PDCD6: variants seen among roughly 807,000 people sequenced by gnomAD.
PDCD6 encodes programmed cell death protein 6.
In PDCD6, 12 loss-of-function variants were observed where a neutral mutation model predicts 28.3. The ratio of observed to expected loss-of-function variants is 0.42; its 90% CI spans 0.27 to 0.69. PDCD6 has a LOEUF of 0.69. PDCD6 is among the 30% of genes least tolerant of loss of function. PDCD6 has a pLI of 0.22. For synonymous variants in PDCD6, 92 were observed against 108.0 expected (o/e 0.85, Z 0.92); for missense variants, 226 against 269.9 (o/e 0.84, Z 1.14).
At chr5:297,862 C>T (rs1054570159) in intron 2 of PDCD6, among the ~76,000 whole-genome samples, 22 of 152,296 alleles carry the variant, frequency 1.4e-4, no homozygotes, top group African/African-American at 5.3e-4. Flanking sequence ...TAGAATATGA[C>T]CTTTTGTCAC....
chr5:306,831 C>G, intron 4 of PDCD6, 71 bp downstream of exon 4: 1 of 1,464,906 alleles, frequency 6.8e-7, no homozygotes, highest in South Asian at 1.1e-5. Flanking sequence ...GTTCTTTAAA[C>G]CTTGTTGGAC....
chr5:279,116 G>A (rs994979806), intron 2 of PDCD6, among the ~76,000 whole-genome samples: 2 of 152,180 alleles, frequency 1.3e-5, no homozygotes, highest in Admixed American at 1.3e-4. Flanking sequence ...CAAACCCGCT[G>A]GTGAAGAAGA....
At position 290,019 on chromosome 5, in the gene PDCD6, C is replaced by T. The variant is rs973269067; in HGVS notation, c.164-14158C>T. 35 of 1,599,716 alleles carry T rather than the reference C, an allele frequency of 2.2e-5. 1 individual carries two copies. The Admixed American group carries it at 5.7e-4, about 26-fold the overall frequency. On this transcript the variant is annotated intron_variant, in intron 2 of 5. Coordinates refer to ENST00000264933, the MANE Select transcript of PDCD6 (RefSeq NM_013232.4). ...GATCTGTTAACAATTCACATAGTCG[C>T]TGAATAGTAAAAGGGATACTGTTAA... is the stretch of plus-strand genomic sequence containing the variant.
intron 2 of PDCD6, among the ~76,000 whole-genome samples, chr5:281,994 G>T (rs1482625510): frequency 6.6e-6 from 1 of 151,710 alleles, no homozygotes; most frequent in Non-Finnish European, 1.5e-5. Flanking sequence ...AAGACTCGGG[G>T]AGGAGCTGAT....
At chr5:288,977 A>G (rs1739157757) in intron 2 of PDCD6, 7 of 1,346,444 alleles carry the variant, frequency 5.2e-6, no homozygotes, top group Non-Finnish European at 6.4e-6. Flanking sequence ...CACTACTTTC[A>G]GGGCCTTCGT....
At chr5:276,635 T>C (rs1738218071) in intron 2 of PDCD6, 1 of 980,288 alleles carries the variant, frequency 1.0e-6, no homozygotes, top group East Asian at 1.1e-4. Context: ...AGATTGGGCT[T>C]CTGTTTTGAT....
chr5:295,132 T>C (rs1398753100), intron 2 of PDCD6, among the ~76,000 whole-genome samples: 3 of 151,938 alleles, frequency 2.0e-5, no homozygotes, highest in Non-Finnish European at 2.9e-5. Context: ...ACACGCAGAC[T>C]GAAGGAGGAA....
intron 2 of PDCD6, among the ~76,000 whole-genome samples, chr5:277,220 G>T (rs1738252587): frequency 6.6e-6 from 1 of 152,114 alleles, no homozygotes; most frequent in Non-Finnish European, 1.5e-5. Context: ...CCGCATCTGG[G>T]GTTCAAGCGA....
intron 4 of PDCD6, chr5:308,951 G>A (rs1740714080): frequency 6.5e-6 from 1 of 154,454 alleles, no homozygotes; most frequent in Non-Finnish European, 1.4e-5. Flanking sequence ...CGGGACAGCT[G>A]ACTCAGCACG....
Position 314,970 on chromosome 5 carries a change from C to T in PDCD6, c.*455C>T, listed in dbSNP as rs746432410. The T allele has an allele frequency of 1.0e-5, 3 of 286,518 alleles. No individual in the cohort carries two copies. The highest frequency in any genetic ancestry group is 4.4e-5 in the African/African-American group (2 of 45,024). 17.7% of individuals were successfully genotyped at this position (286,518 alleles called of 1,614,324 possible). A position where few individuals can be genotyped will look rare whatever the true frequency, so the allele number is the denominator to read the frequency against. ...CGTAAGCAATAAAGGGAATGTTAGA[C>T]GTGTGGTCTGCCTTCAGCTTTTCAA... is the stretch of plus-strand genomic sequence containing the variant. On this transcript the variant is annotated 3_prime_UTR_variant, in exon 6 of 6. Coordinates refer to ENST00000264933, the MANE Select transcript of PDCD6 (RefSeq NM_013232.4).
At chr5:291,593 T>A (rs1295113605) in intron 2 of PDCD6, among the ~76,000 whole-genome samples, 1 of 151,168 alleles carries the variant, frequency 6.6e-6, no homozygotes, top group African/African-American at 2.4e-5. Flanking sequence ...CCACCCACAC[T>A]GACGTGGCTC....
At chr5:284,836 G>C (rs1225520035) in intron 2 of PDCD6, among the ~76,000 whole-genome samples, 1 of 151,814 alleles carries the variant, frequency 6.6e-6, no homozygotes, top group Non-Finnish European at 1.5e-5. Flanking sequence ...GGGGGGAGAA[G>C]ATATTCCAGT....
intron 1 of PDCD6, among the ~76,000 whole-genome samples, 198 bp downstream of exon 1, chr5:272,019 C>A (rs1401940927): frequency 6.6e-6 from 1 of 151,926 alleles, no homozygotes; most frequent in African/African-American, 2.4e-5. Flanking sequence ...CGCCCCCGTC[C>A]CCTGGCGGGT....
At chr5:278,811 GGGAGGGTGCTGGGGACACA>G (rs1343548399) in intron 2 of PDCD6, among the ~76,000 whole-genome samples, 4 of 147,972 alleles carry the variant, frequency 2.7e-5, no homozygotes, top group East Asian at 2.0e-4. Flanking sequence ...GGGGATGCAG[GGGAGGGTGCTGGGGACACA>G]GGAGGGTGCT....
In PDCD6 at chr5:289,131, A is replaced by G. The variant is rs191395145; in HGVS notation, c.164-15046A>G. On this transcript the variant is annotated intron_variant, in intron 2 of 5. Transcript: ENST00000264933. ...TTCTTGATTTTTTCTTTCCGGGATC[A>G]TTTCTCTTGATGTCATAAAAGACTC... 159 of 1,139,326 alleles carry G rather than the reference A, an allele frequency of 1.4e-4. 1 individual carries two copies. The East Asian group carries it at 3.7e-3, about 27-fold the overall frequency. The allele number at this position is 1,139,326 out of a possible 1,614,324, so 70.6% of individuals were successfully genotyped here. A position where few individuals can be genotyped will look rare whatever the true frequency, so the allele number is the denominator to read the frequency against.
At chr5:279,394 T>C (rs1247859198) in intron 2 of PDCD6, among the ~76,000 whole-genome samples, 2 of 151,984 alleles carry the variant, frequency 1.3e-5, no homozygotes, top group Non-Finnish European at 2.9e-5. Context: ...CCACGAGATA[T>C]GCGTGCCCCA....
chr5:280,429 G>A (rs1251541645), intron 2 of PDCD6, among the ~76,000 whole-genome samples: 7 of 150,700 alleles, frequency 4.6e-5, no homozygotes, highest in Non-Finnish European at 1.0e-4. Context: ...GCAGGGCTGT[G>A]CCGGGCACTG....
At chr5:311,618 G>A in intron 5 of PDCD6, 1 of 532,846 alleles carries the variant, frequency 1.9e-6, no homozygotes, top group Non-Finnish European at 3.3e-6. Context: ...CAGCCCATCT[G>A]CAAGACGTGG....
chr5:288,775 T>C (rs752991458), intron 2 of PDCD6: 11 of 831,094 alleles, frequency 1.3e-5, no homozygotes, highest in Admixed American at 3.5e-5. Flanking sequence ...ATAAAAGTTT[T>C]ATACGGCGTT....
Sources: allele counts gnomAD v4.1 joint callset (sites outside exome capture counted in the v4.1 genomes callset), GRCh38; gene constraint gnomAD v4.1.1; transcripts MANE v1.5; gene names NCBI Gene and HGNC (gene_info 2026-07-23, HGNC 2026-07-21).